RBFOX1: variants seen among roughly 807,000 people sequenced by gnomAD.
The protein encoded by RBFOX1 is RNA binding fox-1 homolog 1.
In RBFOX1, 8 loss-of-function variants were observed where a neutral mutation model predicts 57.7. The observed-to-expected ratio is 0.14, with a 90% CI of 0.08 to 0.25. RBFOX1 has a LOEUF of 0.25. Ranked by LOEUF, RBFOX1 falls within the 10% of genes least tolerant of loss-of-function variation. The pLI, the probability that RBFOX1 is intolerant of heterozygous loss-of-function variation, is 1.00. For synonymous variants in RBFOX1, 326 were observed against 222.4 expected, an observed-to-expected ratio of 1.47 and a Z score of -4.15; for missense variants, 611 against 548.5, an observed-to-expected ratio of 1.11 and a Z score of -1.14.
chr16:7,027,136 C>G lies in RBFOX1; in HGVS notation c.-15-24921C>G, dbSNP rs184814042. Among the ~76,000 whole-genome samples, 5 of 152,250 alleles carry G rather than the reference C, an allele frequency of 3.3e-5. No homozygotes were observed. In the East Asian group the frequency reaches 9.7e-4, roughly 30 times the overall value. On this transcript the variant is annotated intron_variant, in intron 3 of 15. Coordinates refer to ENST00000550418, the MANE Select transcript of RBFOX1 (RefSeq NM_018723.4). ...TAAACGCTTTCTATGCCTTAGAGTG[C>G]TAAGAACAGTCTACCCTCCTTACGA...
At chr16:6,498,540 A>G (rs2095835995) in intron 2 of RBFOX1, among the ~76,000 whole-genome samples, 1 of 152,140 alleles carries the variant, frequency 6.6e-6, no homozygotes, top group Admixed American at 6.5e-5. Flanking sequence ...TTTTGCCTGC[A>G]GGTGTTCCTC....
intron 1 of RBFOX1, among the ~76,000 whole-genome samples, chr16:5,461,687 G>A (rs562206362): frequency 1.3e-5 from 2 of 152,146 alleles, no homozygotes; most frequent in Non-Finnish European, 2.9e-5. Context: ...GGTGCATTTG[G>A]TGGGTTTCCT....
chr16:6,459,492 AC>A (rs1255815990), intron 2 of RBFOX1, among the ~76,000 whole-genome samples: 1 of 152,170 alleles, frequency 6.6e-6, no homozygotes, highest in East Asian at 1.9e-4. Context: ...AATGGAAGAC[AC>A]CTAAGAAAGA....
chr16:5,422,424 GGGAGAGGGAGTATGAT>G (rs1323191572), intron 1 of RBFOX1, among the ~76,000 whole-genome samples: 8 of 138,810 alleles, frequency 5.8e-5, no homozygotes, highest in African/African-American at 2.2e-4. Flanking sequence ...GGAAGGAGGA[GGGAGAGGGAGTATGAT>G]GGAGAGGGAA....
chr16:7,123,744 T>A (rs1860830504), intron 4 of RBFOX1, among the ~76,000 whole-genome samples: 2 of 152,170 alleles, frequency 1.3e-5, no homozygotes, highest in South Asian at 4.1e-4. Flanking sequence ...ATATTTATAT[T>A]GTATGATGAT....
At chr16:6,897,192 G>A (rs1257019295) in intron 3 of RBFOX1, among the ~76,000 whole-genome samples, 1 of 152,168 alleles carries the variant, frequency 6.6e-6, no homozygotes, top group South Asian at 2.1e-4. Context: ...AACACAGGTT[G>A]TTTTCCAGAA....
At chr16:5,527,880 C>G (rs563582380) in intron 2 of RBFOX1, among the ~76,000 whole-genome samples, 1 of 152,132 alleles carries the variant, frequency 6.6e-6, no homozygotes, top group Non-Finnish European at 1.5e-5. Context: ...TATTAGATAT[C>G]GGTTTAATTG....
At chr16:7,653,708 T>C in intron 11 of RBFOX1, 107 bp from the exon 12 acceptor site, 2 of 1,506,904 alleles carry the variant, frequency 1.3e-6, no homozygotes, top group Non-Finnish European at 1.8e-6. Flanking sequence ...GCGGGGGTCC[T>C]GCTGGGACCC....
chr16:5,404,426 G>T (rs1205588823), intron 1 of RBFOX1, among the ~76,000 whole-genome samples: 1 of 152,146 alleles, frequency 6.6e-6, no homozygotes, highest in African/African-American at 2.4e-5. Flanking sequence ...CTTCAAATCT[G>T]AGAGGCCACT....
intron 1 of RBFOX1, among the ~76,000 whole-genome samples, chr16:6,135,785 CT>C (rs35563303): frequency 0.016 from 1,372 of 84,960 alleles, 11 homozygotes; most frequent in African/African-American, 0.057. Context: ...CTCGTTTCGA[CT>C]TTTTTTTTTT....
intron 3 of RBFOX1, among the ~76,000 whole-genome samples, chr16:5,790,511 A>G (rs1334628614): frequency 1.5e-5 from 1 of 65,386 alleles, no homozygotes; most frequent in Non-Finnish European, 2.8e-5. Flanking sequence ...CAATATGCTG[A>G]AAAAAAAAAA....
chr16:5,319,412 C>T (rs538693710), intron 1 of RBFOX1, among the ~76,000 whole-genome samples: 52 of 152,180 alleles, frequency 3.4e-4, no homozygotes, highest in Non-Finnish European at 6.0e-4. Flanking sequence ...TGTCTGCCCT[C>T]CCACTGGTCT....
intron 3 of RBFOX1, among the ~76,000 whole-genome samples, chr16:5,633,962 T>C (rs1043853398): frequency 3.3e-5 from 5 of 152,170 alleles, no homozygotes; most frequent in Non-Finnish European, 7.3e-5. Flanking sequence ...ATTATCACGA[T>C]GCCCATTTGA....
intron 5 of RBFOX1, among the ~76,000 whole-genome samples, chr16:7,541,451 G>T (rs1055549029): frequency 6.7e-6 from 1 of 149,118 alleles, no homozygotes. Flanking sequence ...ATTAGTGTTT[G>T]TTTTTATCAG....
chr16:7,205,515 G>GAAA (rs60458342), intron 4 of RBFOX1, among the ~76,000 whole-genome samples: 13,475 of 125,324 alleles, frequency 0.11, 731 homozygotes, highest in Non-Finnish European at 0.12. Flanking sequence ...TCTGTCTCAG[G>GAAA]AAAAAAAAAA....
intron 5 of RBFOX1, among the ~76,000 whole-genome samples, chr16:7,522,114 A>G (rs992367732): frequency 1.3e-5 from 2 of 152,206 alleles, no homozygotes; most frequent in African/African-American, 4.8e-5. Flanking sequence ...TCATATCCAA[A>G]TACATGGAAT....
At chr16:7,293,239 T>C (rs191847166) in intron 4 of RBFOX1, among the ~76,000 whole-genome samples, 117 of 152,264 alleles carry the variant, frequency 7.7e-4, no homozygotes, top group African/African-American at 2.7e-3. Flanking sequence ...AAACAATGCA[T>C]TGAAACAACT....
intron 3 of RBFOX1, among the ~76,000 whole-genome samples, chr16:5,792,293 T>C (rs1304314508): frequency 6.6e-6 from 1 of 152,170 alleles, no homozygotes; most frequent in Non-Finnish European, 1.5e-5. Flanking sequence ...TAAGTTCTCT[T>C]AGATACACTA....
intron 3 of RBFOX1, among the ~76,000 whole-genome samples, chr16:5,785,296 A>G (rs886309356): frequency 6.6e-6 from 1 of 152,170 alleles, no homozygotes; most frequent in African/African-American, 2.4e-5. Flanking sequence ...GACATTTACC[A>G]AAGAGCTTGG....
Sources: allele counts gnomAD v4.1 joint callset (sites outside exome capture counted in the v4.1 genomes callset), GRCh38; gene constraint gnomAD v4.1.1; transcripts MANE v1.5; gene names NCBI Gene and HGNC (gene_info 2026-07-23, HGNC 2026-07-21).